The following ZNF334 variants were observed in gnomAD, a reference collection of about 807,000 sequenced individuals.
ZNF334 encodes zinc finger protein 334.
A neutral mutation model predicts 12.4 loss-of-function variants in ZNF334; 14 were observed. The ratio of observed to expected loss-of-function variants is 1.13; its 90% CI spans 0.74 to 1.76. The LOEUF is 1.76. Among genes scored for constraint, ZNF334 ranks in the 40% most tolerant of loss-of-function variants. The pLI, the probability that ZNF334 is intolerant of heterozygous loss-of-function variation, is 0.00. For missense variants in ZNF334, 797 were observed against 804.5 expected (o/e 0.99, Z 0.11); for synonymous variants, 273 against 269.6 (o/e 1.01, Z -0.12).
chr20:46,487,494 T>C, the ZNF334 span, among the ~76,000 whole-genome samples: 1 of 152,178 alleles, frequency 6.6e-6, no homozygotes, highest in Non-Finnish European at 1.5e-5. Flanking sequence ...AGCAGTGTGG[T>C]TTTCTAGTTA....
At chr20:46,494,315 C>G in the ZNF334 span, among the ~76,000 whole-genome samples, 1 of 152,196 alleles carries the variant, frequency 6.6e-6, no homozygotes, top group African/African-American at 2.4e-5. Flanking sequence ...TCTTCATGCT[C>G]TCACCTTTCT....
rs1410617469 is a variant in ZNF334, at chr20:46,502,971, C to A, written c.368G>T (p.Gly123Val). 6.2e-7 allele frequency: 1 copy of A among 1,614,002 alleles called. No individual in the cohort carries two copies. Among genetic ancestry groups the A allele is most frequent in the African/African-American group, 1.3e-5 (1 of 75,032 alleles). The change falls in exon 5 of 5, where the codon GGC becomes GTC. Residue 123 changes from glycine to valine, a missense_variant. Gly to Val is a moderately radical substitution (Grantham distance 109, BLOSUM62 -3). Coordinates refer to ENST00000692313, the MANE Select transcript of ZNF334 (RefSeq NM_001353824.2). The stretch of plus-strand genomic sequence containing the variant: ...TTTTCTTGAGGGAACACTATTCATG[C>A]CCAGATTAAGTGTTTTCCCAAATAC... ...ENVFGKTLNL[G>V]MNSVPSRKMP... is the part of the protein sequence containing the mutation.
At chr20:46,466,401 A>G in the ZNF334 span, among the ~76,000 whole-genome samples, 145 of 152,366 alleles carry the variant, frequency 9.5e-4, no homozygotes, top group South Asian at 0.021. Flanking sequence ...GGTAGGTAAT[A>G]AAAGGGAAAT....
At chr20:46,477,342 G>GT in the ZNF334 span, 1,375 of 146,958 alleles carry the variant, frequency 9.4e-3, 21 homozygotes, top group African/African-American at 0.031. Flanking sequence ...TTGTTTTTTG[G>GT]TTTTTTTTTT....
intron 2 of ZNF334, chr20:46,506,316 A>G: frequency 1.5e-6 from 1 of 651,474 alleles, no homozygotes; most frequent in Non-Finnish European, 2.8e-6. Flanking sequence ...CCTTTTATGT[A>G]AGAAAGGAGA....
the ZNF334 span, among the ~76,000 whole-genome samples, chr20:46,483,291 A>T: frequency 2.0e-5 from 3 of 150,874 alleles, no homozygotes; most frequent in Admixed American, 6.6e-5. Context: ...TGCAGCTTCT[A>T]TTTTTTTTTC....
chr20:46,472,495 G>A, the ZNF334 span, among the ~76,000 whole-genome samples: 11 of 152,138 alleles, frequency 7.2e-5, no homozygotes, highest in South Asian at 8.3e-4. Flanking sequence ...CTTTTAAGTC[G>A]ATATTTTAAG....
At chr20:46,485,264 C>G in the ZNF334 span, among the ~76,000 whole-genome samples, 6 of 152,208 alleles carry the variant, frequency 3.9e-5, no homozygotes, top group African/African-American at 1.4e-4. Context: ...TCCCTGTACC[C>G]TTTTTGTTAT....
At chr20:46,499,290 T>C (rs2061079458), downstream of ZNF334, among the ~76,000 whole-genome samples, 1 of 149,304 alleles carries the variant, frequency 6.7e-6, no homozygotes, top group African/African-American at 2.5e-5. Flanking sequence ...GAAGAGAGTA[T>C]AGCCCTGCCA....
At chr20:46,464,541 C>T in the ZNF334 span, 1 of 441,058 alleles carries the variant, frequency 2.3e-6, no homozygotes, top group East Asian at 5.3e-5. Context: ...TTCTCATGGG[C>T]CTCAGGACAA....
At chr20:46,497,304 G>C (rs73303523), downstream of ZNF334, among the ~76,000 whole-genome samples, 775 of 152,242 alleles carry the variant, frequency 5.1e-3, 6 homozygotes, top group African/African-American at 0.018. Context: ...AATAACACTT[G>C]GTCTAGATAC....
the ZNF334 span, among the ~76,000 whole-genome samples, chr20:46,462,974 C>T: frequency 2.0e-5 from 3 of 152,150 alleles, no homozygotes; most frequent in South Asian, 4.1e-4. Context: ...GGGCCGGGCA[C>T]GGTGGCTCAC....
the ZNF334 span, among the ~76,000 whole-genome samples, chr20:46,475,426 CCT>C: frequency 6.6e-6 from 1 of 151,974 alleles, no homozygotes; most frequent in Non-Finnish European, 1.5e-5. Context: ...ATAAATTAGA[CCT>C]CATCAAAATT....
downstream of ZNF334, among the ~76,000 whole-genome samples, chr20:46,496,906 C>T (rs1053151466): frequency 1.3e-5 from 2 of 152,152 alleles, no homozygotes; most frequent in African/African-American, 4.8e-5. Context: ...CTGTGGGTTC[C>T]AGCTTGTCTT....
chr20:46,477,897 C>A, the ZNF334 span, among the ~76,000 whole-genome samples: 1 of 152,318 alleles, frequency 6.6e-6, no homozygotes. Context: ...ATGTAAATAT[C>A]TTTCGGTATA....
intron 2 of ZNF334, among the ~76,000 whole-genome samples, chr20:46,506,840 G>A (rs920095647): frequency 6.6e-6 from 1 of 152,082 alleles, no homozygotes; most frequent in Non-Finnish European, 1.5e-5. Context: ...GGCCAGGCGT[G>A]GTGCCTCATG....
the ZNF334 span, among the ~76,000 whole-genome samples, chr20:46,488,403 T>C: frequency 1.9e-5 from 2 of 102,896 alleles, no homozygotes; most frequent in Admixed American, 1.0e-4. Context: ...GTAAGAATTA[T>C]ACTGTAGCTC....
At chr20:46,496,533 G>C (rs1007784237), downstream of ZNF334, among the ~76,000 whole-genome samples, 1 of 152,230 alleles carries the variant, frequency 6.6e-6, no homozygotes, top group African/African-American at 2.4e-5. Flanking sequence ...TGGTGCCTTT[G>C]AAATCTGTCA....
the ZNF334 span, among the ~76,000 whole-genome samples, chr20:46,468,307 G>A: frequency 2.0e-5 from 3 of 150,434 alleles, no homozygotes; most frequent in Admixed American, 6.6e-5. Context: ...ACGGAGTCTC[G>A]CTCTGTCGCC....
Sources: allele counts gnomAD v4.1 joint callset (sites outside exome capture counted in the v4.1 genomes callset), GRCh38; gene constraint gnomAD v4.1.1; transcripts MANE v1.5; gene names NCBI Gene and HGNC (gene_info 2026-07-23, HGNC 2026-07-21).